WDR70: variants seen among roughly 807,000 people sequenced by gnomAD.
The protein encoded by WDR70 is WD repeat domain 70.
WDR70 carries 53 observed loss-of-function variants against 88.6 expected under a neutral mutation model. The observed-to-expected ratio is 0.60, with a 90% CI of 0.48 to 0.75. The LOEUF is 0.75. Ranked by LOEUF, WDR70 falls within the 30% of genes least tolerant of loss-of-function variation. The pLI is 0.00. For missense variants in WDR70, 610 were observed against 823.2 expected (o/e 0.74, Z 3.17); for synonymous variants, 280 against 270.0 (o/e 1.04, Z -0.36).
intron 10 of WDR70, among the ~76,000 whole-genome samples, chr5:37,605,861 G>T (rs978850733): frequency 5.3e-5 from 8 of 152,230 alleles, no homozygotes; most frequent in Admixed American, 1.3e-4. Flanking sequence ...GCTGTAAAAA[G>T]CTTCTTGTTT....
At chr5:37,403,199 C>G (rs1306206832) in intron 5 of WDR70, among the ~76,000 whole-genome samples, 2 of 152,118 alleles carry the variant, frequency 1.3e-5, no homozygotes, top group Non-Finnish European at 2.9e-5. Flanking sequence ...CTGCCTGCTT[C>G]TGCCTCCCAA....
chr5:37,508,786 T>C (rs1362650143), intron 8 of WDR70, among the ~76,000 whole-genome samples: 1 of 152,212 alleles, frequency 6.6e-6, no homozygotes, highest in Admixed American at 6.5e-5. Context: ...AGGGTGATGG[T>C]AGCTTCATAA....
intron 7 of WDR70, among the ~76,000 whole-genome samples, chr5:37,454,414 C>T (rs1738771361): frequency 6.6e-6 from 1 of 151,862 alleles, no homozygotes; most frequent in Admixed American, 6.6e-5. Context: ...AAGTGATTGC[C>T]ACTGAGAAAT....
intron 8 of WDR70, among the ~76,000 whole-genome samples, chr5:37,490,994 G>A (rs78798233): frequency 4.3e-4 from 65 of 152,222 alleles, no homozygotes; most frequent in African/African-American, 1.5e-3. Flanking sequence ...TCTCAAATTC[G>A]TGCCATGCTG....
intron 10 of WDR70, among the ~76,000 whole-genome samples, chr5:37,679,623 A>G (rs1307996752): frequency 1.3e-5 from 2 of 152,128 alleles, no homozygotes; most frequent in Non-Finnish European, 2.9e-5. Flanking sequence ...CGGCCGTGTG[A>G]GGTGTCAGTC....
intron 8 of WDR70, among the ~76,000 whole-genome samples, chr5:37,494,372 G>C (rs1417418956): frequency 1.3e-5 from 2 of 152,202 alleles, no homozygotes; most frequent in African/African-American, 4.8e-5. Flanking sequence ...ATGTAAATTT[G>C]TAGAAACAAT....
chr5:37,632,369 A>G (rs1744841289), intron 10 of WDR70, among the ~76,000 whole-genome samples: 1 of 152,214 alleles, frequency 6.6e-6, no homozygotes, highest in Non-Finnish European at 1.5e-5. Context: ...TGACTGTAAA[A>G]CATCCTCAGG....
chr5:37,421,861 C>T (rs541699994), intron 5 of WDR70, among the ~76,000 whole-genome samples: 10 of 151,252 alleles, frequency 6.6e-5, no homozygotes, highest in African/African-American at 2.2e-4. Context: ...AAAAATGGTG[C>T]AACTCAGACC....
At chr5:37,506,837 G>A in intron 8 of WDR70, 1 of 1,280,374 alleles carries the variant, frequency 7.8e-7, no homozygotes, top group Non-Finnish European at 1.1e-6. Flanking sequence ...CTGCTGTTCA[G>A]GAACAGGGTC....
chr5:37,487,691 T>G (rs1739928224), intron 8 of WDR70, among the ~76,000 whole-genome samples: 1 of 148,976 alleles, frequency 6.7e-6, no homozygotes, highest in African/African-American at 2.5e-5. Context: ...AGTGGTGCGA[T>G]CTCAGCTCAC....
intron 7 of WDR70, among the ~76,000 whole-genome samples, chr5:37,453,367 A>G (rs1032525729): frequency 6.6e-6 from 1 of 152,256 alleles, no homozygotes; most frequent in Non-Finnish European, 1.5e-5. Flanking sequence ...TCGATTAACT[A>G]AAAGTATCCC....
intron 3 of WDR70, among the ~76,000 whole-genome samples, chr5:37,387,541 G>T (rs1379839539): frequency 6.6e-6 from 1 of 151,940 alleles, no homozygotes; most frequent in Non-Finnish European, 1.5e-5. Flanking sequence ...AATCTAAATT[G>T]ATTATCTCTT....
rs757224681 is a variant in WDR70 at position 37,703,008 on chromosome 5, G to A, written c.1337G>A (p.Arg446Lys). 1.2e-6 allele frequency: 2 copies of A among 1,614,004 alleles called. No homozygotes were observed. The highest frequency in any genetic ancestry group is 1.1e-5 in the South Asian group (1 of 91,058). The change falls in exon 13 of 18, where the codon AGA becomes AAA. Residue 446 changes from arginine (R) to lysine (K), a missense_variant. Coordinates refer to ENST00000265107, the MANE Select transcript of WDR70 (RefSeq NM_018034.4). The stretch of plus-strand genomic sequence containing the variant: ...ATAGTCACTGGTACATCTATTCAAA[G>A]AGGATGTGGCAGCGGCAAACTTGTT... ...KLIVTGTSIQ[R>K]GCGSGKLVFF...
rs530984314 is a variant in WDR70 at position 37,693,481 on chromosome 5, C to G, written c.1093-4174C>G. 1.5e-3 allele frequency among the ~76,000 whole-genome samples: 222 copies of G among 152,252 alleles called. 6 individuals are homozygous for G. In the South Asian group the frequency reaches 0.043, roughly 30 times the overall value. ...AACTATAGTACAAGGTTACAGTAAC[C>G]AAAACAGCATGGTACTGGTACCAAA... On this transcript the variant is annotated intron_variant, in intron 10 of 17. Transcript: ENST00000265107.
intron 10 of WDR70, among the ~76,000 whole-genome samples, chr5:37,659,754 G>T (rs1745653902): frequency 6.6e-6 from 1 of 152,266 alleles, no homozygotes; most frequent in Admixed American, 6.5e-5. Flanking sequence ...AGATGGAGTG[G>T]AGTAGGGAGG....
intron 9 of WDR70, among the ~76,000 whole-genome samples, chr5:37,602,635 G>GA (rs796596167): frequency 8.1e-4 from 109 of 134,596 alleles, no homozygotes; most frequent in East Asian, 7.1e-3. Context: ...CAAAAAAAAA[G>GA]AAAAAAAAAA....
intron 3 of WDR70, among the ~76,000 whole-genome samples, chr5:37,391,282 T>C (rs1055575963): frequency 6.6e-6 from 1 of 152,178 alleles, no homozygotes; most frequent in African/African-American, 2.4e-5. Flanking sequence ...TAAAAATTGT[T>C]ATAAAATACA....
rs563397368 is a variant in WDR70 at position 37,439,722 on chromosome 5, T to A, written c.552+1741T>A. Among the ~76,000 whole-genome samples the A allele has an allele frequency of 3.3e-5, 5 of 151,972 alleles. No individual in the cohort carries two copies. The South Asian group carries it at 1.0e-3, about 32-fold the overall frequency. The stretch of plus-strand genomic sequence containing the variant: ...ATTAGAAGGTGACTTTTCTCTCTGA[T>A]CTTTTTTTCTTTTAAATGAGTTATT... On this transcript the variant is annotated intron_variant, in intron 6 of 17. Coordinates refer to ENST00000265107, the MANE Select transcript of WDR70 (RefSeq NM_018034.4).
chr5:37,723,240 A>T (rs1747875824), intron 15 of WDR70: 2 of 278,396 alleles, frequency 7.2e-6, no homozygotes, highest in South Asian at 1.6e-4. Flanking sequence ...AACAAGAAAG[A>T]GTGCTGGTCT....
Sources: gnomAD v4.1 joint callset for allele counts (sites outside exome capture counted in the v4.1 genomes callset) on GRCh38, gnomAD v4.1.1 for gene constraint, MANE v1.5 for transcripts, NCBI Gene and HGNC (gene_info 2026-07-23, HGNC 2026-07-21) for gene names.